Variants in SDK1 observed in about 807,000 individuals in gnomAD.
The protein encoded by SDK1 is sidekick cell adhesion molecule 1, also known as protein sidekick-1.
A neutral mutation model predicts 245.5 loss-of-function variants in SDK1; 157 were observed. The observed-to-expected ratio is 0.64, with a 90% CI of 0.56 to 0.73. The LOEUF (loss-of-function observed/expected upper bound fraction) is 0.73, where lower values mean the gene tolerates loss of function less well. Among genes scored for constraint, SDK1 ranks in the 30% least tolerant of loss-of-function variants. The probability of loss-of-function intolerance (pLI) is 0.00; values close to 1 mark genes in which losing one functional copy is unlikely to be tolerated. For synonymous variants in SDK1, 1,647 were observed against 1,278.5 expected (o/e 1.29, Z -6.15); for missense variants, 3,583 against 3,002.3 (o/e 1.19, Z -4.52).
intron 1 of SDK1, among the ~76,000 whole-genome samples, chr7:3,605,678 G>C (rs1242532426): frequency 2.6e-5 from 4 of 151,694 alleles, no homozygotes; most frequent in Non-Finnish European, 5.9e-5. Context: ...AATTAGATTT[G>C]GGATACCAAC....
intron 1 of SDK1, among the ~76,000 whole-genome samples, chr7:3,509,959 C>T (rs1283555806): frequency 1.3e-5 from 2 of 152,082 alleles, no homozygotes; most frequent in African/African-American, 2.4e-5. Flanking sequence ...TGAAGGTCTC[C>T]GAGTCATGAA....
chr7:3,606,709 A>G (rs1781436867), intron 1 of SDK1, among the ~76,000 whole-genome samples: 1 of 152,068 alleles, frequency 6.6e-6, no homozygotes, highest in Non-Finnish European at 1.5e-5. Context: ...GGCCTTTTTA[A>G]AACAATCTTC....
At chr7:3,755,472 A>G (rs1449567508) in intron 4 of SDK1, among the ~76,000 whole-genome samples, 3 of 152,172 alleles carry the variant, frequency 2.0e-5, no homozygotes, top group African/African-American at 7.2e-5. Context: ...TTTGCCTGGC[A>G]GTGTATGAAC....
At chr7:3,646,546 C>A (rs2128654240) in intron 4 of SDK1, among the ~76,000 whole-genome samples, 1 of 152,280 alleles carries the variant, frequency 6.6e-6, no homozygotes, top group Admixed American at 6.5e-5. Context: ...CCCCAGGGCC[C>A]CCAGCCAATA....
intron 2 of SDK1, among the ~76,000 whole-genome samples, chr7:3,625,313 A>G (rs539858829): frequency 1.6e-4 from 25 of 152,358 alleles, no homozygotes; most frequent in African/African-American, 5.3e-4. Flanking sequence ...TGTATAAAAG[A>G]TACAAAATTT....
rs1397056253 is a variant in SDK1 at position 4,025,405 on chromosome 7, C to G, written c.2602+8053C>G. 2.0e-5 allele frequency among the ~76,000 whole-genome samples: 3 copies of G among 152,308 alleles called. No homozygotes were observed. The East Asian group carries it at 5.8e-4, about 29-fold the overall frequency. On this transcript the variant is annotated intron_variant, in intron 17 of 44. Transcript: ENST00000404826. ...GCCAGCCGAGGCACATAGCGGAGGA[C>G]TGGGGTGGAGCAGGGCAGGTAGGGT...
chr7:3,998,539 G>A (rs1432312911), intron 14 of SDK1, among the ~76,000 whole-genome samples: 7 of 151,990 alleles, frequency 4.6e-5, no homozygotes, highest in Non-Finnish European at 8.8e-5. Context: ...AGATCAATAC[G>A]CTTCAGCTTT....
At chr7:3,982,820 A>T (rs1039804073) in intron 13 of SDK1, among the ~76,000 whole-genome samples, 32 of 152,022 alleles carry the variant, frequency 2.1e-4, no homozygotes, top group African/African-American at 7.5e-4. Flanking sequence ...AGCGTGGGCG[A>T]CAGAGCGAGA....
chr7:3,832,578 GA>G (rs1340094821), intron 5 of SDK1, among the ~76,000 whole-genome samples: 1 of 152,196 alleles, frequency 6.6e-6, no homozygotes, highest in Non-Finnish European at 1.5e-5. Flanking sequence ...TAACAATGCT[GA>G]AGACCATTAG....
intron 21 of SDK1, among the ~76,000 whole-genome samples, chr7:4,077,842 A>G (rs568133345): frequency 6.6e-6 from 1 of 152,346 alleles, no homozygotes; most frequent in East Asian, 1.9e-4. Context: ...TGGGAGTTAC[A>G]ATTCAAGATG....
chr7:3,675,863 A>C (rs561118222), intron 4 of SDK1, among the ~76,000 whole-genome samples: 2 of 152,198 alleles, frequency 1.3e-5, no homozygotes, highest in South Asian at 2.1e-4. Flanking sequence ...CCCTTTGCCT[A>C]CTTTTTAATT....
At chr7:3,779,418 G>C (rs764524921) in intron 4 of SDK1, among the ~76,000 whole-genome samples, 12 of 151,420 alleles carry the variant, frequency 7.9e-5, no homozygotes, top group Admixed American at 6.6e-5. Context: ...GTTGATTTTT[G>C]TTTGTGAAGT....
chr7:4,057,610 A>G (rs117058296), intron 19 of SDK1, among the ~76,000 whole-genome samples: 2 of 152,200 alleles, frequency 1.3e-5, no homozygotes, highest in Non-Finnish European at 2.9e-5. Context: ...CAACCCACCT[A>G]GAATGCCAAG....
At chr7:3,690,162 C>G (rs902408427) in intron 4 of SDK1, among the ~76,000 whole-genome samples, 1 of 152,122 alleles carries the variant, frequency 6.6e-6, no homozygotes, top group African/African-American at 2.4e-5. Context: ...GGACTAATAG[C>G]CCAGTGACTC....
intron 19 of SDK1, among the ~76,000 whole-genome samples, chr7:4,065,344 A>G (rs1779804801): frequency 6.6e-6 from 1 of 152,198 alleles, no homozygotes; most frequent in Non-Finnish European, 1.5e-5. Flanking sequence ...AGTTGTTGGG[A>G]GAGGGTAGCA....
At position 4,125,065 on chromosome 7, in the gene SDK1, G is replaced by GTGGA. The variant is rs758297818; in HGVS notation, c.3824-2297_3824-2294dup. On this transcript the variant is annotated intron_variant, in intron 25 of 44. Transcript: ENST00000404826. The stretch of plus-strand genomic sequence containing the variant: ...AGATGGATGGATGGATGGGTAATGG[G>GTGGA]TGGATGGATGGATGGATGGATGATG... 1.5e-3 allele frequency among the ~76,000 whole-genome samples: 229 copies of GTGGA among 149,642 alleles called. 1 individual carries two copies. The highest frequency in any genetic ancestry group is 5.2e-3 in the African/African-American group (211 of 40,640).
In SDK1 at chr7:4,076,661, T is replaced by C. The variant is rs150903413; in HGVS notation, c.3011-337T>C. On this transcript the variant is annotated intron_variant, in intron 20 of 44. Coordinates refer to ENST00000404826, the MANE Select transcript of SDK1 (RefSeq NM_152744.4). ...GAAGGTCGAATTGAGCACAGCAGGC[T>C]GGCAGCTGTCGTCATGTTTCAGTTC... Among the ~76,000 whole-genome samples the C allele has an allele frequency of 4.0e-3, 611 of 152,344 alleles. 5 individuals carry two copies. The highest frequency in any genetic ancestry group is 0.014 in the African/African-American group (582 of 41,578).
chr7:3,394,981 C>T (rs574893708), intron 1 of SDK1, among the ~76,000 whole-genome samples: 4 of 151,880 alleles, frequency 2.6e-5, no homozygotes, highest in Non-Finnish European at 4.4e-5. Flanking sequence ...CTTTACAAAC[C>T]GAATGTCTTT....
Position 3,363,050 on chromosome 7 carries a change from T to C in SDK1, c.298+61166T>C, listed in dbSNP as rs562001961. Among the ~76,000 whole-genome samples the C allele has an allele frequency of 2.4e-3, 364 of 152,306 alleles. 2 individuals carry two copies. Among genetic ancestry groups the C allele is most frequent in the African/African-American group, 8.2e-3 (342 of 41,554 alleles). On this transcript the variant is annotated intron_variant, in intron 1 of 44. Transcript: ENST00000404826. The stretch of plus-strand genomic sequence containing the variant: ...GTGGAGCAATGCCACATCTAGGATA[T>C]TGACTTTAGTACAGTCAAGAAACAG...
Sources: allele counts gnomAD v4.1 joint callset (sites outside exome capture counted in the v4.1 genomes callset), GRCh38; gene constraint gnomAD v4.1.1; transcripts MANE v1.5; gene names NCBI Gene and HGNC (gene_info 2026-07-23, HGNC 2026-07-21).